Variants in GABRG2 observed in about 807,000 individuals in gnomAD.
GABRG2 encodes the protein gamma-aminobutyric acid receptor subunit gamma-2.
Under a neutral mutation model 56.4 loss-of-function variants are expected in GABRG2, and 16 were observed. The observed-to-expected ratio is 0.28, with a 90% confidence interval of 0.19 to 0.43. The LOEUF is 0.43. Ranked by LOEUF, GABRG2 falls within the 20% of genes least tolerant of loss-of-function variation. The pLI, the probability that GABRG2 is intolerant of heterozygous loss-of-function variation, is 1.00. For synonymous variants in GABRG2, 208 were observed against 205.5 expected, an observed-to-expected ratio of 1.01 and a Z score of -0.10; for missense variants, 327 against 582.7, an observed-to-expected ratio of 0.56 and a Z score of 4.52.
At chr5:162,079,421 A>G (rs1759468682) in intron 1 of GABRG2, among the ~76,000 whole-genome samples, 1 of 151,858 alleles carries the variant, frequency 6.6e-6, no homozygotes, top group Admixed American at 6.6e-5. Flanking sequence ...TAGAGATTGT[A>G]GTTTATACTC....
chr5:162,096,666 T>C (rs1761018339), intron 3 of GABRG2, among the ~76,000 whole-genome samples: 1 of 151,360 alleles, frequency 6.6e-6, no homozygotes, highest in African/African-American at 2.4e-5. Context: ...TGGGAGGTGG[T>C]GCAAGGAAAG....
chr5:162,152,938 AAGTT>A (rs1765478688), intron 9 of GABRG2, 151 bp from the exon 10 acceptor site: 1 of 885,880 alleles, frequency 1.1e-6, no homozygotes, highest in African/African-American at 1.7e-5. Flanking sequence ...CTATCTTTCT[AAGTT>A]CAATTTTACC....
At chr5:162,077,073 C>CTGTGTGTGTGTGTGTGTGTGTG (rs55938019) in intron 1 of GABRG2, among the ~76,000 whole-genome samples, 3 of 146,638 alleles carry the variant, frequency 2.0e-5, no homozygotes, top group African/African-American at 7.6e-5. Context: ...ACAACTACCC[C>CTGTGTGTGTGTGTGTGTGTGTG]TGTGTGTGTG....
In GABRG2 at chr5:162,111,410, A is replaced by C. The variant is rs144086950; in HGVS notation, c.769+7384A>C. 5.1e-3 allele frequency among the ~76,000 whole-genome samples: 783 copies of C among 152,262 alleles called. 6 individuals are homozygous for C. The highest frequency in any genetic ancestry group is 0.017 in the African/African-American group (706 of 41,566). On this transcript the variant is annotated intron_variant, in intron 6 of 9. Coordinates refer to ENST00000639213, the MANE Select transcript of GABRG2 (RefSeq NM_198904.4). ...TGTTCACACTATCTAGCAGGGAGATAGTTTTTAAGGGGCGGAGGGAGATGG... is the reference window on the plus strand; with the variant it reads ...TGTTCACACTATCTAGCAGGGAGATCGTTTTTAAGGGGCGGAGGGAGATGG...
At chr5:162,070,183 C>G (rs1314307836) in intron 1 of GABRG2, among the ~76,000 whole-genome samples, 1 of 152,014 alleles carries the variant, frequency 6.6e-6, no homozygotes, top group Non-Finnish European at 1.5e-5. Context: ...ACCAGACTAT[C>G]TTAGATGAGT....
At chr5:162,135,346 T>TA (rs1764046592) in intron 6 of GABRG2, among the ~76,000 whole-genome samples, 1 of 152,136 alleles carries the variant, frequency 6.6e-6, no homozygotes, top group Admixed American at 6.6e-5. Context: ...TTTAATATCT[T>TA]AAAAGCCAAT....
At position 162,102,714 on chromosome 5, in the gene GABRG2, A is replaced by G. The variant is rs211034; in HGVS notation, c.632-1175A>G. 285,012 of 404,180 alleles carry G rather than the reference A, an allele frequency of 0.71. 101,066 individuals carry two copies. The highest frequency in any genetic ancestry group is 0.8 in the Admixed American group (29,996 of 37,672). 25.0% of individuals were successfully genotyped at this position (404,180 alleles called of 1,614,324 possible). A position where few individuals can be genotyped will look rare whatever the true frequency, so the allele number is the denominator to read the frequency against. On this transcript the variant is annotated intron_variant, in intron 5 of 9. Transcript: ENST00000639213. ...CCCAGCTAATTTCTGTATTTTTTGTAGAGATGGGGCGTCGCCATGTTGCCC... is the reference window on the plus strand; with the variant it reads ...CCCAGCTAATTTCTGTATTTTTTGTGGAGATGGGGCGTCGCCATGTTGCCC...
intron 1 of GABRG2, among the ~76,000 whole-genome samples, chr5:162,075,596 A>T (rs1410364184): frequency 6.6e-6 from 1 of 152,152 alleles, no homozygotes; most frequent in Admixed American, 6.6e-5. Context: ...CTTTCATAGC[A>T]TGCCTAGCCT....
chr5:162,069,102 C>T (rs986380440), intron 1 of GABRG2, among the ~76,000 whole-genome samples: 1 of 152,026 alleles, frequency 6.6e-6, no homozygotes, highest in Non-Finnish European at 1.5e-5. Flanking sequence ...CTGAAGTGCC[C>T]GGCATTTAAA....
chr5:162,106,933 A>C (rs2113390327), intron 6 of GABRG2, among the ~76,000 whole-genome samples: 1 of 151,596 alleles, frequency 6.6e-6, no homozygotes, highest in African/African-American at 2.4e-5. Flanking sequence ...GGGTTGTTGT[A>C]TGGATTATTT....
chr5:162,091,870 C>G (rs1396562008), intron 1 of GABRG2, among the ~76,000 whole-genome samples: 1 of 151,928 alleles, frequency 6.6e-6, no homozygotes, highest in African/African-American at 2.4e-5. Context: ...ATTCCCTTTT[C>G]TTGAAGAAAA....
chr5:162,138,059 C>T (rs573304590), intron 6 of GABRG2, among the ~76,000 whole-genome samples: 1 of 152,196 alleles, frequency 6.6e-6, no homozygotes, highest in Non-Finnish European at 1.5e-5. Flanking sequence ...CGTGCCCTCA[C>T]TGCAGTCTTG....
At chr5:162,084,797 C>G (rs1759933586) in intron 1 of GABRG2, among the ~76,000 whole-genome samples, 1 of 151,854 alleles carries the variant, frequency 6.6e-6, no homozygotes, top group African/African-American at 2.4e-5. Flanking sequence ...CATATCTTCT[C>G]TGGTTAAAAT....
At chr5:162,067,612 C>T (rs1369847149), upstream of GABRG2, 2 of 483,956 alleles carry the variant, frequency 4.1e-6, no homozygotes, top group Non-Finnish European at 7.2e-6. Flanking sequence ...AAATAAATAA[C>T]CCCAAAGAGA....
chr5:162,129,559 A>G (rs1393687605), intron 6 of GABRG2, among the ~76,000 whole-genome samples: 3 of 151,968 alleles, frequency 2.0e-5, no homozygotes, highest in Non-Finnish European at 4.4e-5. Context: ...ACACCATAGG[A>G]ATCATTTATT....
At chr5:162,138,508 G>GC (rs1287397550) in intron 6 of GABRG2, among the ~76,000 whole-genome samples, 1 of 152,090 alleles carries the variant, frequency 6.6e-6, no homozygotes, top group Non-Finnish European at 1.5e-5. Context: ...CAGTTATGAG[G>GC]CCCCCTATGT....
intron 1 of GABRG2, among the ~76,000 whole-genome samples, chr5:162,070,954 G>T (rs1758623406): frequency 6.6e-6 from 1 of 151,682 alleles, no homozygotes; most frequent in Non-Finnish European, 1.5e-5. Flanking sequence ...ATATTTAAAG[G>T]TGTTTTGATT....
intron 6 of GABRG2, among the ~76,000 whole-genome samples, chr5:162,134,423 C>T (rs189860654): frequency 2.8e-4 from 42 of 152,230 alleles, no homozygotes; most frequent in African/African-American, 8.9e-4. Flanking sequence ...CTGACATTAA[C>T]GTACCATCCT....
chr5:162,077,714 A>G (rs1759247525), intron 1 of GABRG2, among the ~76,000 whole-genome samples: 1 of 152,190 alleles, frequency 6.6e-6, no homozygotes, highest in Non-Finnish European at 1.5e-5. Flanking sequence ...GCAGGAATCC[A>G]ATAATGGGTA....
Sources: allele counts gnomAD v4.1 joint callset (sites outside exome capture counted in the v4.1 genomes callset), GRCh38; gene constraint gnomAD v4.1.1; transcripts MANE v1.5; gene names NCBI Gene and HGNC (gene_info 2026-07-23, HGNC 2026-07-21).